CPNE4: variants seen among roughly 807,000 people sequenced by gnomAD.
The protein encoded by CPNE4 is copine 4.
In CPNE4, 25 loss-of-function variants were observed where a neutral mutation model predicts 67.9. That is an observed-to-expected ratio of 0.37 (90% CI 0.27 to 0.51). The LOEUF (loss-of-function observed/expected upper bound fraction) is 0.51. Among genes scored for constraint, CPNE4 ranks in the 20% least tolerant of loss-of-function variants. The probability of loss-of-function intolerance (pLI) is 0.93; values close to 1 mark genes in which losing one functional copy is unlikely to be tolerated. For missense variants in CPNE4, 464 were observed against 690.8 expected, an observed-to-expected ratio of 0.67 and a Z score of 3.68; for synonymous variants, 242 against 244.9, an observed-to-expected ratio of 0.99 and a Z score of 0.11.
At chr3:131,763,752 T>A (rs990982474) in intron 2 of CPNE4, among the ~76,000 whole-genome samples, 2 of 152,074 alleles carry the variant, frequency 1.3e-5, no homozygotes, top group African/African-American at 4.8e-5. Flanking sequence ...CAACAATATA[T>A]AACAAAAGCC....
rs1279302158 is a variant in CPNE4 at position 131,669,761 on chromosome 3, C to T, written c.595G>A (p.Val199Met). 1 of 1,612,516 alleles carries T rather than the reference C, an allele frequency of 6.2e-7. No individual in the cohort carries two copies. Among genetic ancestry groups the T allele is most frequent in the Non-Finnish European group, 8.5e-7 (1 of 1,178,910 alleles). The change falls in exon 7 of 16, where the codon GTG becomes ATG. Residue 199 changes from valine to methionine, a missense_variant. Coordinates refer to ENST00000429747, the MANE Select transcript of CPNE4 (RefSeq NM_130808.3). ...TQQLVHRTEV[V>M]MNNLSPAWKS... ...CAGGCTGGGCTTAAGTTATTCATCA[C>T]AACCTGGGAAAAGAAAGAGAGGAGT...
At chr3:131,702,294 T>C (rs1037984194) in intron 3 of CPNE4, among the ~76,000 whole-genome samples, 1 of 152,204 alleles carries the variant, frequency 6.6e-6, no homozygotes, top group Non-Finnish European at 1.5e-5. Flanking sequence ...TCTACAAATA[T>C]TTATTTGGCC....
intron 10 of CPNE4, among the ~76,000 whole-genome samples, chr3:131,566,578 A>C (rs905456557): frequency 1.3e-5 from 2 of 151,976 alleles, no homozygotes; most frequent in African/African-American, 4.8e-5. Flanking sequence ...GGCCTCAACA[A>C]GATAGAGATC....
chr3:131,893,548 G>T (rs1381245822), intron 2 of CPNE4, among the ~76,000 whole-genome samples: 34 of 151,952 alleles, frequency 2.2e-4, no homozygotes, highest in Non-Finnish European at 2.9e-5. Context: ...CACATGGAAT[G>T]TTCTCCAGGA....
chr3:132,035,381 A>G (rs1449753318), upstream of CPNE4: 2 of 152,332 alleles, frequency 1.3e-5, no homozygotes, highest in East Asian at 3.9e-4. Context: ...CAAAAATGGT[A>G]AAGGTGTTGC....
chr3:131,752,901 C>G (rs1583141831), intron 2 of CPNE4, among the ~76,000 whole-genome samples: 1 of 151,602 alleles, frequency 6.6e-6, no homozygotes, highest in Middle Eastern at 3.4e-3. Context: ...AAAATGATCA[C>G]CAAATTTATA....
At chr3:131,657,595 T>C (rs1049868162) in intron 7 of CPNE4, among the ~76,000 whole-genome samples, 15 of 147,402 alleles carry the variant, frequency 1.0e-4, no homozygotes, top group African/African-American at 3.5e-4. Flanking sequence ...AGAGCAGTGG[T>C]GTGATCTCGA....
At chr3:131,975,253 A>C in intron 1 of CPNE4, among the ~76,000 whole-genome samples, 1 of 152,140 alleles carries the variant, frequency 6.6e-6, no homozygotes, top group East Asian at 1.9e-4. Context: ...ACCCAGTCAA[A>C]GTCATGAGGA....
chr3:131,846,954 T>C (rs965099888), intron 2 of CPNE4, among the ~76,000 whole-genome samples: 3 of 152,122 alleles, frequency 2.0e-5, no homozygotes, highest in Admixed American at 1.3e-4. Flanking sequence ...TGAAGTCACA[T>C]AGTATCACAA....
intron 2 of CPNE4, among the ~76,000 whole-genome samples, chr3:131,826,464 T>G (rs1560408503): frequency 1.3e-5 from 2 of 152,176 alleles, no homozygotes; most frequent in Non-Finnish European, 2.9e-5. Flanking sequence ...TGTCAAAATG[T>G]TGAGAGTACA....
intron 2 of CPNE4, among the ~76,000 whole-genome samples, chr3:131,801,391 C>CAG (rs2084108222): frequency 1.2e-5 from 1 of 84,140 alleles, no homozygotes; most frequent in Non-Finnish European, 2.3e-5. Flanking sequence ...ATATATGGTA[C>CAG]ATATATATAT....
chr3:131,815,180 T>C (rs10934981), intron 2 of CPNE4, among the ~76,000 whole-genome samples: 29,759 of 152,176 alleles, frequency 0.2, 3,628 homozygotes, highest in Non-Finnish European at 0.26. Context: ...TTATTTAGCA[T>C]GCAAATCAGA....
At chr3:131,904,492 C>T (rs981511284) in intron 2 of CPNE4, among the ~76,000 whole-genome samples, 1 of 152,038 alleles carries the variant, frequency 6.6e-6, no homozygotes, top group Non-Finnish European at 1.5e-5. Flanking sequence ...GGGTCCACAA[C>T]AAGAGTTTAT....
At chr3:131,907,047 G>T (rs1026057488) in intron 1 of CPNE4, among the ~76,000 whole-genome samples, 1 of 152,004 alleles carries the variant, frequency 6.6e-6, no homozygotes, top group Non-Finnish European at 1.5e-5. Context: ...GGGGGGGAAG[G>T]ACCTGAACAG....
intron 6 of CPNE4, among the ~76,000 whole-genome samples, chr3:131,670,818 T>TA (rs1553750402): frequency 3.3e-5 from 1 of 29,954 alleles, no homozygotes; most frequent in Non-Finnish European, 6.6e-5. Context: ...AATTTTTTGT[T>TA]TTTTTTTTTT....
At chr3:131,596,875 A>G (rs573427124) in intron 7 of CPNE4, among the ~76,000 whole-genome samples, 1 of 152,228 alleles carries the variant, frequency 6.6e-6, no homozygotes, top group South Asian at 2.1e-4. Flanking sequence ...CTTGCAATAA[A>G]TGTCTTAATA....
At chr3:131,880,363 C>T (rs1449556635) in intron 2 of CPNE4, among the ~76,000 whole-genome samples, 1 of 152,094 alleles carries the variant, frequency 6.6e-6, no homozygotes, top group African/African-American at 2.4e-5. Context: ...GATACGCCCG[C>T]CCGACCTCCC....
chr3:131,540,140 G>A (rs796395584), intron 15 of CPNE4, among the ~76,000 whole-genome samples: 25 of 152,298 alleles, frequency 1.6e-4, no homozygotes, highest in African/African-American at 6.0e-4. Context: ...CACAGCCCTG[G>A]GAGCTTGTGG....
chr3:131,717,223 A>G (rs2081720163), intron 3 of CPNE4, among the ~76,000 whole-genome samples: 1 of 151,044 alleles, frequency 6.6e-6, no homozygotes. Context: ...CTCCATGTAA[A>G]AAACACTCAA....
Sources: gnomAD v4.1 joint callset for allele counts (sites outside exome capture counted in the v4.1 genomes callset) on GRCh38, gnomAD v4.1.1 for gene constraint, MANE v1.5 for transcripts, NCBI Gene and HGNC (gene_info 2026-07-23, HGNC 2026-07-21) for gene names.